The following CCDC13 variants were observed in gnomAD, a reference collection of about 807,000 sequenced individuals.
CCDC13 encodes the protein coiled-coil domain-containing protein 13.
In CCDC13, 70 loss-of-function variants were observed where a neutral mutation model predicts 87.3. That is an observed-to-expected ratio of 0.80 (90% CI 0.66 to 0.98). The LOEUF is 0.98. Among genes scored for constraint, CCDC13 ranks in the 50% least tolerant of loss-of-function variants. CCDC13 has a pLI of 0.00. For synonymous variants in CCDC13, 317 were observed against 360.3 expected, an observed-to-expected ratio of 0.88 and a Z score of 1.36; for missense variants, 842 against 892.0, an observed-to-expected ratio of 0.94 and a Z score of 0.71.
intron 13 of CCDC13, among the ~76,000 whole-genome samples, chr3:42,722,891 G>A (rs188710907): frequency 6.7e-6 from 1 of 149,336 alleles, no homozygotes; most frequent in Admixed American, 6.8e-5. Context: ...CCGCCTCCCA[G>A]GTTCACGCCA....
chr3:42,733,727 C>T lies in CCDC13; in HGVS notation c.1372-118G>A, dbSNP rs990423847. ...AGAGGATATGAAAGAGGCTTCTTTT[C>T]AGGAGTGAAAAGCGAGGCCTGTTTG... is the stretch of plus-strand genomic sequence containing the variant. On this transcript the variant is annotated intron_variant, in intron 10 of 15. Coordinates refer to ENST00000310232, the MANE Select transcript of CCDC13 (RefSeq NM_144719.4). 10 of 1,333,608 alleles carry T rather than the reference C, an allele frequency of 7.5e-6. No homozygotes were observed. The African/African-American group carries it at 1.3e-4, about 18-fold the overall frequency. 82.6% of individuals were successfully genotyped at this position (1,333,608 alleles called of 1,614,324 possible).
At chr3:42,732,763 C>A (rs1167529362) in intron 12 of CCDC13, 124 bp downstream of exon 12, 4 of 785,534 alleles carry the variant, frequency 5.1e-6, no homozygotes, top group Non-Finnish European at 6.2e-6. Context: ...CTTTATGTAA[C>A]CTTGGAAGAG....
At chr3:42,758,802 ATAAAT>A (rs538582466) in intron 1 of CCDC13, among the ~76,000 whole-genome samples, 30 of 152,280 alleles carry the variant, frequency 2.0e-4, no homozygotes, top group African/African-American at 7.2e-4. Flanking sequence ...AATAAAGTAC[ATAAAT>A]CCTGACCATA....
chr3:42,711,023 A>C (rs1442003583), intron 14 of CCDC13, among the ~76,000 whole-genome samples: 1 of 151,998 alleles, frequency 6.6e-6, no homozygotes, highest in African/African-American at 2.4e-5. Context: ...AGGGGGGTGG[A>C]TAATTTGAGG....
At chr3:42,728,534 G>T (rs1698744627) in intron 13 of CCDC13, among the ~76,000 whole-genome samples, 1 of 152,154 alleles carries the variant, frequency 6.6e-6, no homozygotes, top group African/African-American at 2.4e-5. Context: ...CTTTAAAATA[G>T]TTCCTTTGGT....
chr3:42,739,652 C>T lies in CCDC13; in HGVS notation c.1146G>A (p.Glu382=), dbSNP rs1286240733. ...GCCATACCATGAGGGCGTCGATGAG[C>T]TCGTCATCATGCCGGCCCTTCTCCA... is the stretch of plus-strand genomic sequence containing the variant. ...TLVEKGRHDD[E]LIDALMDQLK... The change falls in exon 9 of 16, where the codon GAG becomes GAA. Residue 382 remains glutamate (E), a synonymous_variant. Coordinates refer to ENST00000310232, the MANE Select transcript of CCDC13 (RefSeq NM_144719.4). The T allele has an allele frequency of 6.2e-7, 1 of 1,614,082 alleles. No individual in the cohort carries two copies.
At chr3:42,704,462 C>T (rs1275140758), downstream of CCDC13, 1 of 152,302 alleles carries the variant, frequency 6.6e-6, no homozygotes, top group Non-Finnish European at 1.5e-5. Flanking sequence ...CTGGCCCTCA[C>T]TGGGGTGGCA....
In CCDC13 at chr3:42,707,800, G is replaced by A. The variant is rs1698211518; in HGVS notation, c.*1180C>T. Among the ~76,000 whole-genome samples the A allele has an allele frequency of 6.6e-6, 1 of 152,228 alleles. No homozygotes were observed. The highest frequency in any genetic ancestry group is 2.1e-4 in the South Asian group (1 of 4,832). The stretch of plus-strand genomic sequence containing the variant: ...CATGCTCCTGAATTGAGGTATGTGT[G>A]TGCATCTGCATCTTTGTGTGGGGCT... On this transcript the variant is annotated 3_prime_UTR_variant, in exon 16 of 16. Coordinates refer to ENST00000310232, the MANE Select transcript of CCDC13 (RefSeq NM_144719.4).
chr3:42,729,930 C>T (rs1575287243), intron 13 of CCDC13, among the ~76,000 whole-genome samples: 1 of 152,210 alleles, frequency 6.6e-6, no homozygotes, highest in Non-Finnish European at 1.5e-5. Context: ...CCAAAAGGAT[C>T]ATTTGAGCGA....
chr3:42,732,791 G>A, intron 12 of CCDC13, 96 bp downstream of exon 12: 1 of 1,090,040 alleles, frequency 9.2e-7, no homozygotes, highest in Non-Finnish European at 1.3e-6. Context: ...ACTTTGCCTG[G>A]CCTCAGTTTC....
intron 13 of CCDC13, among the ~76,000 whole-genome samples, chr3:42,715,441 T>C (rs997895042): frequency 6.6e-6 from 1 of 151,892 alleles, no homozygotes; most frequent in African/African-American, 2.4e-5. Flanking sequence ...AAACCCCATA[T>C]CTACAACAAA....
intron 7 of CCDC13, among the ~76,000 whole-genome samples, chr3:42,744,701 A>C (rs966326707): frequency 7.5e-5 from 11 of 146,308 alleles, no homozygotes; most frequent in African/African-American, 2.5e-4. Flanking sequence ...GCTACTCAGG[A>C]GGCTGAGGCA....
At chr3:42,728,046 T>A (rs1698730775) in intron 13 of CCDC13, among the ~76,000 whole-genome samples, 1 of 152,206 alleles carries the variant, frequency 6.6e-6, no homozygotes, top group African/African-American at 2.4e-5. Flanking sequence ...AGAGACATAT[T>A]TAGTGACTTT....
chr3:42,708,433 C>T lies in CCDC13; in HGVS notation c.*547G>A, dbSNP rs1308186326. On this transcript the variant is annotated 3_prime_UTR_variant, in exon 16 of 16. Coordinates refer to ENST00000310232, the MANE Select transcript of CCDC13 (RefSeq NM_144719.4). ...TTATTACAAGTCCAAGGGTCTGCACCTGAGGAAGTGTCCTGAGGAGTGGGC... is the reference window on the plus strand; with the variant it reads ...TTATTACAAGTCCAAGGGTCTGCACTTGAGGAAGTGTCCTGAGGAGTGGGC... The T allele has an allele frequency of 6.6e-6, 1 of 152,286 alleles. No homozygotes were observed. The highest frequency in any genetic ancestry group is 1.5e-5 in the Non-Finnish European group (1 of 68,170). 9.4% of individuals were successfully genotyped at this position (152,286 alleles called of 1,614,324 possible). A position where few individuals can be genotyped will look rare whatever the true frequency, so the allele number is the denominator to read the frequency against.
At position 42,742,910 on chromosome 3, in the gene CCDC13, G is replaced by GA. The variant is rs768869868; in HGVS notation, c.972_973insT (p.Gln325SerfsTer10). The GA allele has an allele frequency of 1.7e-4, 282 of 1,614,008 alleles. No homozygotes were observed. The highest frequency in any genetic ancestry group is 3.2e-4 in the Admixed American group (19 of 60,008). ...GCACGCGTTACCTCCAAGCCTTCCT[G>GA]TTTTTCCCTTTCCAGGCTGCGGATC... On this transcript the variant is annotated frameshift_variant, in exon 8 of 16. Transcript: ENST00000310232. LOFTEE classifies it high-confidence loss of function.
At position 42,769,033 on chromosome 3, in the gene CCDC13, G is replaced by A. The variant is rs1398793402; in HGVS notation, c.-7+4143C>T. Among the ~76,000 whole-genome samples, 6 of 151,450 alleles carry A rather than the reference G, an allele frequency of 4.0e-5. No homozygotes were observed. The East Asian group carries it at 1.2e-3, about 30-fold the overall frequency. ...GGAGCCTGTAATCCCAGCTACTCAG[G>A]AGGCTGAGGCAGGAGAATTGCTTGA... On this transcript the variant is annotated intron_variant, in intron 1 of 15. Coordinates refer to ENST00000310232, the MANE Select transcript of CCDC13 (RefSeq NM_144719.4).
At chr3:42,726,392 G>A (rs1174568982) in intron 13 of CCDC13, among the ~76,000 whole-genome samples, 2 of 152,158 alleles carry the variant, frequency 1.3e-5, no homozygotes, top group African/African-American at 2.4e-5. Flanking sequence ...AGGTTTCATG[G>A]TAGATGAAGC....
intron 1 of CCDC13, among the ~76,000 whole-genome samples, chr3:42,762,328 T>C (rs1477363652): frequency 1.3e-5 from 2 of 152,216 alleles, no homozygotes; most frequent in African/African-American, 4.8e-5. Context: ...AAAACATGTT[T>C]GGCCTTTGAC....
rs1039727739 is a variant in CCDC13 at position 42,757,359 on chromosome 3, T to C, written c.222-145A>G. 3 of 765,810 alleles carry C rather than the reference T, an allele frequency of 3.9e-6. No individual in the cohort carries two copies. In the Admixed American group the frequency reaches 8.2e-5, roughly 21 times the overall value. The allele number at this position is 765,810 out of a possible 1,614,324, so 47.4% of individuals were successfully genotyped here. A position where few individuals can be genotyped will look rare whatever the true frequency, so the allele number is the denominator to read the frequency against. On this transcript the variant is annotated intron_variant, in intron 2 of 15. Coordinates refer to ENST00000310232, the MANE Select transcript of CCDC13 (RefSeq NM_144719.4). ...GAAGAAAGATTTCAATGTCGTTCAT[T>C]AGCTGGCTTAAATAGGGAGTTATAA...
Sources: allele counts gnomAD v4.1 joint callset (sites outside exome capture counted in the v4.1 genomes callset), GRCh38; gene constraint gnomAD v4.1.1; transcripts MANE v1.5; gene names NCBI Gene and HGNC (gene_info 2026-07-23, HGNC 2026-07-21).